SORCS2: variants seen among roughly 807,000 people sequenced by gnomAD.
SORCS2 encodes sortilin related VPS10 domain containing receptor 2.
Under a neutral mutation model 141.6 loss-of-function variants are expected in SORCS2, and 100 were observed. The observed-to-expected ratio is 0.71, with a 90% confidence interval of 0.60 to 0.83. SORCS2 has a LOEUF of 0.83. Ranked by LOEUF, SORCS2 falls within the 40% of genes least tolerant of loss-of-function variation. The pLI, the probability that SORCS2 is intolerant of heterozygous loss-of-function variation, is 0.00. For missense variants in SORCS2, 1,646 were observed against 1,560.2 expected (o/e 1.05, Z -0.93); for synonymous variants, 789 against 676.9 (o/e 1.17, Z -2.57).
At chr4:7,724,163 A>ATAG (rs1241076524) in intron 19 of SORCS2, among the ~76,000 whole-genome samples, 1 of 124,344 alleles carries the variant, frequency 8.0e-6, no homozygotes, top group African/African-American at 3.4e-5. Flanking sequence ...GGTGGTGGTG[A>ATAG]TGGTGGTGAT....
chr4:7,497,627 C>A (rs1731709096), intron 2 of SORCS2, among the ~76,000 whole-genome samples: 1 of 152,260 alleles, frequency 6.6e-6, no homozygotes, highest in Non-Finnish European at 1.5e-5. Context: ...TGTTGAGCAC[C>A]AGCTCTGTGC....
intron 1 of SORCS2, 79 bp from the exon 2 acceptor site, chr4:7,396,209 G>C: frequency 1.5e-6 from 2 of 1,377,590 alleles, no homozygotes; most frequent in Non-Finnish European, 2.0e-6. Context: ...ATTCTGGCAC[G>C]GAGTGGTGTC....
chr4:7,718,599 C>T (rs1726362261), intron 18 of SORCS2, among the ~76,000 whole-genome samples: 1 of 152,094 alleles, frequency 6.6e-6, no homozygotes, highest in East Asian at 1.9e-4. Context: ...AAGTTAAAAA[C>T]GCTATTACTT....
At chr4:7,509,749 G>A (rs951597961) in intron 2 of SORCS2, among the ~76,000 whole-genome samples, 2 of 152,186 alleles carry the variant, frequency 1.3e-5, no homozygotes, top group African/African-American at 4.8e-5. Context: ...AGAGAAGGCT[G>A]GGGTGGTTCA....
intron 1 of SORCS2, among the ~76,000 whole-genome samples, chr4:7,253,556 G>A (rs1271865172): frequency 6.6e-6 from 1 of 152,250 alleles, no homozygotes; most frequent in African/African-American, 2.4e-5. Flanking sequence ...GGCGGAGGAG[G>A]TGTCCAGGGG....
chr4:7,244,568 C>CAG (rs1458195443), intron 1 of SORCS2, among the ~76,000 whole-genome samples: 1 of 152,240 alleles, frequency 6.6e-6, no homozygotes, highest in Non-Finnish European at 1.5e-5. Context: ...AAGCGTGAAG[C>CAG]AGGCGTGGTG....
Position 7,216,981 on chromosome 4 carries a change from G to A in SORCS2, c.480+23855G>A, listed in dbSNP as rs1476232047. Reference sequence around the variant, plus strand: ...CCGTGGCTCTTCTGATCCCCCATCCGCACTGTGTGGCGGTTCCCGTGGCTC... The same window carrying A: ...CCGTGGCTCTTCTGATCCCCCATCCACACTGTGTGGCGGTTCCCGTGGCTC... On this transcript the variant is annotated intron_variant, in intron 1 of 26. Coordinates refer to ENST00000507866, the MANE Select transcript of SORCS2 (RefSeq NM_020777.3). Among the ~76,000 whole-genome samples the A allele has an allele frequency of 5.3e-5, 8 of 152,204 alleles. No homozygotes were observed. The South Asian group carries it at 1.5e-3, about 28-fold the overall frequency.
chr4:7,558,446 GA>G, intron 3 of SORCS2, among the ~76,000 whole-genome samples: 1 of 152,320 alleles, frequency 6.6e-6, no homozygotes, highest in East Asian at 1.9e-4. Flanking sequence ...ACTTTGGGCT[GA>G]GGAAGACCCA....
intron 1 of SORCS2, among the ~76,000 whole-genome samples, chr4:7,357,527 T>C (rs963726558): frequency 1.3e-5 from 2 of 152,236 alleles, no homozygotes; most frequent in African/African-American, 4.8e-5. Context: ...GATTACGCAC[T>C]TCACGCGGAA....
intron 1 of SORCS2, among the ~76,000 whole-genome samples, chr4:7,330,281 C>T (rs1292434852): frequency 1.3e-5 from 2 of 152,086 alleles, no homozygotes; most frequent in African/African-American, 2.4e-5. Flanking sequence ...CCTTTGACCA[C>T]GTGAGGCGAC....
At chr4:7,478,188 G>A (rs1167817274) in intron 2 of SORCS2, among the ~76,000 whole-genome samples, 1 of 152,200 alleles carries the variant, frequency 6.6e-6, no homozygotes, top group Non-Finnish European at 1.5e-5. Flanking sequence ...AAAAGGCCGG[G>A]CGTGTAGGGT....
rs565862772 is a variant in SORCS2, at chr4:7,207,259, A to T, written c.480+14133A>T. ...GTCTTTTCTTCCAATCCACATCCACATGTCCCTTTGAGGAGGGCTGGAAAG... is the reference window on the plus strand; with the variant it reads ...GTCTTTTCTTCCAATCCACATCCACTTGTCCCTTTGAGGAGGGCTGGAAAG... On this transcript the variant is annotated intron_variant, in intron 1 of 26. Transcript: ENST00000507866. Among the ~76,000 whole-genome samples the T allele has an allele frequency of 1.1e-3, 160 of 152,228 alleles. 1 individual carries two copies. Among genetic ancestry groups the T allele is most frequent in the African/African-American group, 3.5e-3 (144 of 41,546 alleles).
intron 2 of SORCS2, among the ~76,000 whole-genome samples, chr4:7,403,990 TATATATA>T (rs1431532247): frequency 0.014 from 102 of 7,242 alleles, 1 homozygote; most frequent in African/African-American, 0.037. Flanking sequence ...TATATATATA[TATATATA>T]TTTTTTTTTT....
intron 1 of SORCS2, among the ~76,000 whole-genome samples, chr4:7,314,152 G>GT (rs1183495788): frequency 6.6e-6 from 1 of 152,128 alleles, no homozygotes; most frequent in African/African-American, 2.4e-5. Context: ...GTGCCGTGCG[G>GT]TGAGGGGGTG....
intron 2 of SORCS2, among the ~76,000 whole-genome samples, chr4:7,527,180 T>C (rs1452218979): frequency 6.6e-6 from 1 of 152,190 alleles, no homozygotes; most frequent in African/African-American, 2.4e-5. Flanking sequence ...AACCAGCTCC[T>C]ACACATACCT....
intron 2 of SORCS2, among the ~76,000 whole-genome samples, chr4:7,444,051 G>A (rs1223219230): frequency 2.0e-5 from 3 of 152,256 alleles, no homozygotes; most frequent in Non-Finnish European, 4.4e-5. Context: ...GAGGGCTGGT[G>A]AAATAGGCAG....
intron 5 of SORCS2, among the ~76,000 whole-genome samples, chr4:7,658,872 C>T (rs1337845774): frequency 1.3e-5 from 2 of 152,202 alleles, no homozygotes; most frequent in African/African-American, 2.4e-5. Context: ...GGACTGGGCA[C>T]TGTGCCTGAG....
intron 11 of SORCS2, among the ~76,000 whole-genome samples, chr4:7,694,129 CT>C (rs1175880109): frequency 6.6e-6 from 1 of 152,216 alleles, no homozygotes; most frequent in Non-Finnish European, 1.5e-5. Flanking sequence ...TGTTTTCTGG[CT>C]GCAGGGGCAG....
At chr4:7,639,530 G>GC (rs1720501864) in intron 4 of SORCS2, among the ~76,000 whole-genome samples, 1 of 133,368 alleles carries the variant, frequency 7.5e-6, no homozygotes, top group South Asian at 2.2e-4. Flanking sequence ...GTGGGATGTG[G>GC]GGGGGTGTTA....
Sources: allele counts gnomAD v4.1 joint callset (sites outside exome capture counted in the v4.1 genomes callset), GRCh38; gene constraint gnomAD v4.1.1; transcripts MANE v1.5; gene names NCBI Gene and HGNC (gene_info 2026-07-23, HGNC 2026-07-21).